Variants in COX16 observed in about 807,000 individuals in gnomAD.
COX16 encodes cytochrome c oxidase assembly protein COX16 homolog, mitochondrial.
COX16 carries 12 observed loss-of-function variants against 15.4 expected under a neutral mutation model. The observed-to-expected ratio is 0.78, with a 90% confidence interval of 0.50 to 1.26. The LOEUF is 1.26. COX16 is among the 50% of genes most tolerant of loss of function. The pLI, the probability that COX16 is intolerant of heterozygous loss-of-function variation, is 0.00. For missense variants in COX16, 124 were observed against 127.6 expected (o/e 0.97, Z 0.14); for synonymous variants, 46 against 41.1 (o/e 1.12, Z -0.46).
At chr14:70,345,121 CCAGA>C (rs1353905350) in intron 1 of COX16, among the ~76,000 whole-genome samples, 3 of 152,214 alleles carry the variant, frequency 2.0e-5, no homozygotes, top group Admixed American at 2.0e-4. Flanking sequence ...GCCACAGCAG[CCAGA>C]CAAAGGAAGC....
chr14:70,357,686 C>T (rs1189046484), intron 1 of COX16, among the ~76,000 whole-genome samples: 1 of 152,078 alleles, frequency 6.6e-6, no homozygotes, highest in Non-Finnish European at 1.5e-5. Context: ...AAATCAAAAC[C>T]ACAATGAGGT....
At chr14:70,329,033 T>C in intron 3 of COX16, 141 bp downstream of exon 3, 1 of 614,890 alleles carries the variant, frequency 1.6e-6, no homozygotes, top group Non-Finnish European at 2.3e-6. Flanking sequence ...ATCCATCTTT[T>C]TATTTGCTTT....
chr14:70,334,700 T>A (rs1886394937), intron 2 of COX16, among the ~76,000 whole-genome samples: 1 of 151,996 alleles, frequency 6.6e-6, no homozygotes, highest in Admixed American at 6.6e-5. Context: ...AAAGCAAAAA[T>A]CCGTAACAGA....
chr14:70,355,490 G>A (rs969240162), intron 1 of COX16, among the ~76,000 whole-genome samples: 2 of 152,064 alleles, frequency 1.3e-5, no homozygotes, highest in Non-Finnish European at 2.9e-5. Context: ...ATTCCATACA[G>A]ACATGATCAA....
Position 70,326,199 on chromosome 14 carries a change from G to T in COX16, c.*134C>A. 1 of 587,360 alleles carries T rather than the reference G, an allele frequency of 1.7e-6. No individual in the cohort carries two copies. The highest frequency in any genetic ancestry group is 2.5e-6 in the Non-Finnish European group (1 of 392,956). The allele number at this position is 587,360 out of a possible 1,614,324, so 36.4% of individuals were successfully genotyped here. A position where few individuals can be genotyped will look rare whatever the true frequency, so the allele number is the denominator to read the frequency against. ...ACATGACCTTTAGTGAAGATTATTT[G>T]TCATCAAATTACCCATATCCAAGTT... On this transcript the variant is annotated 3_prime_UTR_variant, in exon 4 of 4. Coordinates refer to ENST00000389912, the MANE Select transcript of COX16 (RefSeq NM_016468.7).
intron 2 of COX16, among the ~76,000 whole-genome samples, chr14:70,331,392 A>G (rs866818462): frequency 6.6e-6 from 1 of 152,276 alleles, no homozygotes; most frequent in Middle Eastern, 3.4e-3. Context: ...GGCATGCATA[A>G]AAAGACTCCT....
At chr14:70,341,279 T>G (rs1374055243) in intron 2 of COX16, among the ~76,000 whole-genome samples, 1 of 152,180 alleles carries the variant, frequency 6.6e-6, no homozygotes, top group Non-Finnish European at 1.5e-5. Context: ...AAAGTACACA[T>G]TTTTTTAAAT....
chr14:70,327,341 A>ATACTCTACTC (rs77409787), intron 3 of COX16, among the ~76,000 whole-genome samples: 1 of 151,852 alleles, frequency 6.6e-6, no homozygotes, highest in Admixed American at 6.6e-5. Flanking sequence ...GTTGGACCAA[A>ATACTCTACTC]TACTCTACAT....
At chr14:70,345,171 T>C (rs964158482) in intron 1 of COX16, among the ~76,000 whole-genome samples, 3 of 152,180 alleles carry the variant, frequency 2.0e-5, no homozygotes, top group Admixed American at 6.5e-5. Flanking sequence ...TGCATGCACA[T>C]TGGTCACTGA....
chr14:70,328,560 G>A (rs925543252), intron 3 of COX16, among the ~76,000 whole-genome samples: 3 of 152,024 alleles, frequency 2.0e-5, no homozygotes, highest in Admixed American at 2.0e-4. Context: ...GTGATACCTC[G>A]TTAGACTTTG....
intron 1 of COX16, among the ~76,000 whole-genome samples, chr14:70,342,949 C>G (rs927986753): frequency 6.6e-6 from 1 of 152,164 alleles, no homozygotes; most frequent in Non-Finnish European, 1.5e-5. Context: ...AAAATCGTCA[C>G]CCTATACCTG....
chr14:70,328,713 G>A (rs2332418), intron 3 of COX16, among the ~76,000 whole-genome samples: 116,450 of 152,088 alleles, frequency 0.77, 44,770 homozygotes, highest in East Asian at 0.93. Flanking sequence ...CATTGATTTG[G>A]AGATGGTCTT....
chr14:70,350,651 T>TA (rs1379060176), intron 1 of COX16, among the ~76,000 whole-genome samples: 1 of 152,248 alleles, frequency 6.6e-6, no homozygotes, highest in African/African-American at 2.4e-5. Flanking sequence ...TTGTCCAACT[T>TA]ACACCTAACT....
At position 70,359,522 on chromosome 14, in the gene COX16, C is replaced by T; in HGVS notation, c.66G>A (p.Met22Ile). 1 of 1,614,000 alleles carries T rather than the reference C, an allele frequency of 6.2e-7. No homozygotes were observed. The highest frequency in any genetic ancestry group is 1.1e-5 in the South Asian group (1 of 91,078). The change falls in exon 1 of 4, where the codon ATG becomes ATA. Residue 22 changes from methionine (M) to isoleucine (I), a missense_variant. Coordinates refer to ENST00000389912, the MANE Select transcript of COX16 (RefSeq NM_016468.7). ...AGATCCTCCTCACTCCACTCACCAACATGGGGACTCCATAGCCGAGAGTCT... is the reference window on the plus strand; with the variant it reads ...AGATCCTCCTCACTCCACTCACCAATATGGGGACTCCATAGCCGAGAGTCT... ...KNKTLGYGVP[M>I]LLLIVGGSFG...
intron 2 of COX16, among the ~76,000 whole-genome samples, chr14:70,333,870 A>T (rs1886365682): frequency 6.6e-6 from 1 of 152,234 alleles, no homozygotes; most frequent in Admixed American, 6.5e-5. Context: ...GGGCATCCAT[A>T]TGCCTGGCAG....
intron 1 of COX16, among the ~76,000 whole-genome samples, chr14:70,350,294 C>T (rs1443694655): frequency 1.3e-5 from 2 of 152,194 alleles, no homozygotes; most frequent in Non-Finnish European, 1.5e-5. Flanking sequence ...TTAGCAATTA[C>T]GTCAGACTAG....
At chr14:70,336,053 A>G (rs1374922036) in intron 2 of COX16, among the ~76,000 whole-genome samples, 4 of 152,120 alleles carry the variant, frequency 2.6e-5, no homozygotes, top group East Asian at 3.9e-4. Flanking sequence ...TCAGGAGATC[A>G]AGACCATCTT....
chr14:70,337,573 G>A (rs1886493322), intron 2 of COX16, among the ~76,000 whole-genome samples: 1 of 151,904 alleles, frequency 6.6e-6, no homozygotes, highest in South Asian at 2.1e-4. Context: ...TAAAAATTAT[G>A]AGGCATGTTT....
At chr14:70,344,952 G>A (rs748959439) in intron 1 of COX16, among the ~76,000 whole-genome samples, 30 of 152,228 alleles carry the variant, frequency 2.0e-4, no homozygotes, top group Non-Finnish European at 3.7e-4. Flanking sequence ...GCACCCACGC[G>A]CTCATCAAAA....
Sources: gnomAD v4.1 joint callset for allele counts (sites outside exome capture counted in the v4.1 genomes callset) on GRCh38, gnomAD v4.1.1 for gene constraint, MANE v1.5 for transcripts, NCBI Gene and HGNC (gene_info 2026-07-23, HGNC 2026-07-21) for gene names.